TTC7B: variants seen among roughly 807,000 people sequenced by gnomAD.
TTC7B encodes tetratricopeptide repeat protein 7B.
A neutral mutation model predicts 106.8 loss-of-function variants in TTC7B; 28 were observed. The observed-to-expected ratio is 0.26, with a 90% CI of 0.19 to 0.36. The LOEUF (loss-of-function observed/expected upper bound fraction) is 0.36. Ranked by LOEUF, TTC7B falls within the 10% of genes least tolerant of loss-of-function variation. TTC7B has a pLI of 1.00. For missense variants in TTC7B, 862 were observed against 1,076.4 expected (o/e 0.80, Z 2.79); for synonymous variants, 405 against 430.6 (o/e 0.94, Z 0.74).
In TTC7B at chr14:90,790,270, C is replaced by T. The variant is rs553520116; in HGVS notation, c.122-3942G>A. Among the ~76,000 whole-genome samples the T allele has an allele frequency of 1.1e-3, 166 of 150,142 alleles. 1 individual carries two copies. The highest frequency in any genetic ancestry group is 3.7e-3 in the African/African-American group (152 of 40,896). ...TGTGGTTTAAATTATTTACATTGAGCAAAATTCTTTTATATCACTTTTAGA... is the reference window on the plus strand; with the variant it reads ...TGTGGTTTAAATTATTTACATTGAGTAAAATTCTTTTATATCACTTTTAGA... On this transcript the variant is annotated intron_variant, in intron 1 of 19. Coordinates refer to ENST00000328459, the MANE Select transcript of TTC7B (RefSeq NM_001010854.2).
intron 19 of TTC7B, among the ~76,000 whole-genome samples, chr14:90,573,622 TGGCTCATGGTCCCTTTCG>T (rs1460059775): frequency 2.8e-5 from 4 of 144,038 alleles, no homozygotes; most frequent in Non-Finnish European, 4.6e-5. Flanking sequence ...GGTCCCTCTC[TGGCTCATGGTCCCTTTCG>T]GGCTCATGGT....
At chr14:90,794,888 T>C (rs1891721823) in intron 1 of TTC7B, among the ~76,000 whole-genome samples, 1 of 152,264 alleles carries the variant, frequency 6.6e-6, no homozygotes, top group South Asian at 2.1e-4. Context: ...AGTTCAGTCC[T>C]AAATGATAGA....
chr14:90,602,796 A>G (rs1409496569), intron 17 of TTC7B, among the ~76,000 whole-genome samples: 1 of 151,952 alleles, frequency 6.6e-6, no homozygotes, highest in South Asian at 2.1e-4. Flanking sequence ...ATGTCTGCTT[A>G]TTTTTAGAAA....
intron 5 of TTC7B, among the ~76,000 whole-genome samples, chr14:90,728,207 C>G (rs1889184597): frequency 6.6e-6 from 1 of 151,902 alleles, no homozygotes; most frequent in Admixed American, 6.6e-5. Flanking sequence ...TTGAGAGTAC[C>G]TGGCCCAGGG....
At chr14:90,631,408 A>ATTTT (rs752394881) in intron 15 of TTC7B, among the ~76,000 whole-genome samples, 20 of 133,638 alleles carry the variant, frequency 1.5e-4, no homozygotes, top group African/African-American at 5.5e-4. Flanking sequence ...GTCTGCACCA[A>ATTTT]TTTTTTTTTT....
rs11291974 is a variant in TTC7B, at chr14:90,668,827, CTTTTTTTTTTTT to C, written c.1152+7684_1152+7695del. Among the ~76,000 whole-genome samples, 33 of 88,540 alleles carry C rather than the reference CTTTTTTTTTTTT, an allele frequency of 3.7e-4. No homozygotes were observed. The East Asian group carries it at 0.013, about 35-fold the overall frequency. The allele number at this position is 88,540 out of a possible 152,430, so 58.1% of individuals were successfully genotyped here. A position where few individuals can be genotyped will look rare whatever the true frequency, so the allele number is the denominator to read the frequency against. ...CAATGCATCCCTATCAAAATTTCAA[CTTTTTTTTTTTT>C]TTTTTTTTTTTTTTTGCAGTAATGG... On this transcript the variant is annotated intron_variant, in intron 9 of 19. Coordinates refer to ENST00000328459, the MANE Select transcript of TTC7B (RefSeq NM_001010854.2).
At chr14:90,644,354 C>T (rs573270893) in intron 14 of TTC7B, 146 bp from the exon 15 acceptor site, 15 of 860,286 alleles carry the variant, frequency 1.7e-5, no homozygotes, top group South Asian at 1.0e-4. Context: ...GCCTCATTCA[C>T]ATTTTAAGCC....
chr14:90,694,782 TATTTTATATAC>T (rs1887631011), intron 6 of TTC7B, among the ~76,000 whole-genome samples: 1 of 140,692 alleles, frequency 7.1e-6, no homozygotes, highest in Non-Finnish European at 1.5e-5. Context: ...AAAATATGTA[TATTTTATATAC>T]ATTTTATTAT....
At chr14:90,639,090 C>A (rs1885061914) in intron 15 of TTC7B, among the ~76,000 whole-genome samples, 1 of 152,076 alleles carries the variant, frequency 6.6e-6, no homozygotes, top group Non-Finnish European at 1.5e-5. Flanking sequence ...AAAGATAGCA[C>A]AAGAGAGCTT....
Position 90,578,883 on chromosome 14 carries a change from C to A in TTC7B, c.2108-575G>T, listed in dbSNP as rs1043601825. Among the ~76,000 whole-genome samples, 2 of 152,188 alleles carry A rather than the reference C, an allele frequency of 1.3e-5. No individual in the cohort carries two copies. The highest frequency in any genetic ancestry group is 4.8e-5 in the African/African-American group (2 of 41,462). ...CACCTCTGACCAGGGGAAGTTGATGCACCCTGTAAACTCTTATCTGTGTCA... is the reference window on the plus strand; with the variant it reads ...CACCTCTGACCAGGGGAAGTTGATGAACCCTGTAAACTCTTATCTGTGTCA... On this transcript the variant is annotated intron_variant, in intron 18 of 19. Transcript: ENST00000328459. This position sits in a 1 kb window ranked among gnomAD's most constrained non-coding sequence, Gnocchi z 4.7.
chr14:90,555,273 C>A (rs1477096960), intron 19 of TTC7B, among the ~76,000 whole-genome samples: 1 of 152,206 alleles, frequency 6.6e-6, no homozygotes, highest in African/African-American at 2.4e-5. Flanking sequence ...ATGAGAGTGA[C>A]GCAGCCGACT....
intron 15 of TTC7B, among the ~76,000 whole-genome samples, chr14:90,638,102 C>T (rs1255325252): frequency 1.3e-5 from 2 of 151,434 alleles, no homozygotes; most frequent in African/African-American, 4.9e-5. Flanking sequence ...CCAGGCTGGT[C>T]TTGAACTCCT....
intron 1 of TTC7B, among the ~76,000 whole-genome samples, chr14:90,792,554 G>C (rs1005799952): frequency 6.6e-6 from 1 of 152,118 alleles, no homozygotes; most frequent in African/African-American, 2.4e-5. Context: ...TCCAGCCTGG[G>C]CAGCAGAGCA....
intron 6 of TTC7B, among the ~76,000 whole-genome samples, chr14:90,690,188 T>C (rs547631211): frequency 6.6e-6 from 1 of 152,338 alleles, no homozygotes; most frequent in East Asian, 1.9e-4. Context: ...TCTTCTTTCT[T>C]ACATGTACCA....
chr14:90,754,314 A>G (rs925995598), intron 3 of TTC7B, among the ~76,000 whole-genome samples: 2 of 152,200 alleles, frequency 1.3e-5, no homozygotes, highest in Non-Finnish European at 2.9e-5. Context: ...ATCTGTCTTT[A>G]TACGTAAAGC....
At chr14:90,586,086 C>T (rs528418310) in intron 18 of TTC7B, among the ~76,000 whole-genome samples, 45 of 152,264 alleles carry the variant, frequency 3.0e-4, no homozygotes, top group African/African-American at 1.1e-3. Context: ...AATAGCTTGC[C>T]CAGGTATTAC....
intron 2 of TTC7B, among the ~76,000 whole-genome samples, 190 bp downstream of exon 2, chr14:90,785,984 A>T (rs1212149152): frequency 6.6e-6 from 1 of 152,204 alleles, no homozygotes; most frequent in Non-Finnish European, 1.5e-5. Flanking sequence ...TTGGCCCAGA[A>T]GCCCCCACAG....
intron 19 of TTC7B, chr14:90,569,686 C>T (rs922371633): frequency 7.9e-5 from 12 of 152,340 alleles, no homozygotes; most frequent in African/African-American, 2.9e-4. Context: ...AAGGACCAGG[C>T]CTTGGAGTCC....
chr14:90,805,676 G>A lies in TTC7B; in HGVS notation c.121+10499C>T, dbSNP rs1388381664. On this transcript the variant is annotated intron_variant, in intron 1 of 19. Transcript: ENST00000328459. The surrounding 1 kb of genome is among the most constrained non-coding windows in gnomAD (Gnocchi z 4.0). ...CATTATTTGGGGTTTAAGTGAGGCTGCAATAACCAGCTCCCAACGACTTGT... is the reference window on the plus strand; with the variant it reads ...CATTATTTGGGGTTTAAGTGAGGCTACAATAACCAGCTCCCAACGACTTGT... 6.6e-6 allele frequency among the ~76,000 whole-genome samples: 1 copy of A among 152,244 alleles called. No homozygotes were observed. Among genetic ancestry groups the A allele is most frequent in the Non-Finnish European group, 1.5e-5 (1 of 68,046 alleles).
Sources: gnomAD v4.1 joint callset for allele counts (sites outside exome capture counted in the v4.1 genomes callset) on GRCh38, gnomAD v4.1.1 for gene constraint, Gnocchi (gnomAD v3.1) non-coding constraint, MANE v1.5 for transcripts, NCBI Gene and HGNC (gene_info 2026-07-23, HGNC 2026-07-21) for gene names.